GRM5: variants seen among roughly 807,000 people sequenced by gnomAD.
The protein encoded by GRM5 is glutamate metabotropic receptor 5.
Under a neutral mutation model 83.1 loss-of-function variants are expected in GRM5, and 19 were observed. That is an observed-to-expected ratio of 0.23 (90% CI 0.16 to 0.34). The LOEUF (loss-of-function observed/expected upper bound fraction) is 0.34. Ranked by LOEUF, GRM5 falls within the 10% of genes least tolerant of loss-of-function variation. The pLI is 1.00. For synonymous variants in GRM5, 675 were observed against 633.6 expected, an observed-to-expected ratio of 1.07 and a Z score of -0.98; for missense variants, 1,160 against 1,588.3, an observed-to-expected ratio of 0.73 and a Z score of 4.58.
intron 2 of GRM5, among the ~76,000 whole-genome samples, chr11:88,964,469 A>C (rs1370662350): frequency 6.6e-6 from 1 of 152,158 alleles, no homozygotes; most frequent in South Asian, 2.1e-4. Flanking sequence ...CATTTTTAAA[A>C]AGCCAGGCAA....
intron 2 of GRM5, among the ~76,000 whole-genome samples, chr11:88,888,196 A>C (rs1945077510): frequency 6.6e-6 from 1 of 152,194 alleles, no homozygotes; most frequent in African/African-American, 2.4e-5. Context: ...AATGACCCTG[A>C]TAGGCATATA....
At chr11:88,882,269 T>TA (rs1411970325) in intron 2 of GRM5, among the ~76,000 whole-genome samples, 13 of 142,962 alleles carry the variant, frequency 9.1e-5, no homozygotes, top group East Asian at 4.2e-4. Context: ...AATAAATAAA[T>TA]AATAAAAAGA....
intron 2 of GRM5, among the ~76,000 whole-genome samples, chr11:88,979,763 T>C (rs1939465076): frequency 6.6e-6 from 1 of 150,616 alleles, no homozygotes; most frequent in Admixed American, 6.6e-5. Flanking sequence ...GAGTACTTTA[T>C]ACTCCTTTCT....
chr11:88,859,852 T>C (rs1944532394), intron 2 of GRM5, among the ~76,000 whole-genome samples: 1 of 152,172 alleles, frequency 6.6e-6, no homozygotes, highest in Admixed American at 6.6e-5. Flanking sequence ...ATTACAGATG[T>C]ATGTGATTTA....
At chr11:88,805,464 A>C (rs1411221254) in intron 3 of GRM5, among the ~76,000 whole-genome samples, 1 of 152,226 alleles carries the variant, frequency 6.6e-6, no homozygotes, top group Non-Finnish European at 1.5e-5. Context: ...TGCTGGGATT[A>C]CAGGTGTGAG....
chr11:88,882,375 C>T (rs1037592083), intron 2 of GRM5, among the ~76,000 whole-genome samples: 2 of 143,650 alleles, frequency 1.4e-5, no homozygotes, highest in Non-Finnish European at 3.0e-5. Flanking sequence ...CACGGTGAAA[C>T]CCCATCTCTA....
chr11:89,064,788 T>C (rs1164115640), intron 1 of GRM5, among the ~76,000 whole-genome samples: 2 of 150,526 alleles, frequency 1.3e-5, no homozygotes, highest in African/African-American at 4.9e-5. Context: ...TTGTTCCTTC[T>C]ACTACCCCAC....
chr11:88,794,285 A>G (rs1943233789), intron 3 of GRM5, among the ~76,000 whole-genome samples: 1 of 152,094 alleles, frequency 6.6e-6, no homozygotes. Context: ...TCAAGCCACT[A>G]TTTGCACTAA....
At chr11:89,027,252 C>T (rs1941149204) in intron 2 of GRM5, among the ~76,000 whole-genome samples, 2 of 152,118 alleles carry the variant, frequency 1.3e-5, no homozygotes, top group South Asian at 2.1e-4. Context: ...CATGCCACCA[C>T]ATCCAACAAA....
intron 2 of GRM5, among the ~76,000 whole-genome samples, chr11:88,851,887 T>C (rs1219105852): frequency 1.3e-5 from 2 of 152,212 alleles, no homozygotes; most frequent in African/African-American, 2.4e-5. Flanking sequence ...AATCTAGTTA[T>C]TTTGCAATTA....
At chr11:88,630,082 C>T (rs1938920803) in intron 4 of GRM5, among the ~76,000 whole-genome samples, 3 of 152,176 alleles carry the variant, frequency 2.0e-5, no homozygotes, top group Admixed American at 6.5e-5. Context: ...TCTCCCTTAA[C>T]GACTTGGGTC....
chr11:88,822,162 T>C (rs534801830), intron 3 of GRM5, among the ~76,000 whole-genome samples: 48 of 152,290 alleles, frequency 3.2e-4, no homozygotes, highest in African/African-American at 1.1e-3. Flanking sequence ...GAAATAGATA[T>C]AATATATGTC....
chr11:88,838,733 T>C (rs190234670), intron 3 of GRM5, among the ~76,000 whole-genome samples: 112 of 152,264 alleles, frequency 7.4e-4, no homozygotes, highest in Middle Eastern at 3.4e-3. Flanking sequence ...ACAAAATCTT[T>C]CTCTCCTCAT....
intron 9 of GRM5, 127 bp from the exon 10 acceptor site, chr11:88,509,631 A>G (rs1591310467): frequency 1.5e-6 from 1 of 649,102 alleles, no homozygotes; most frequent in Non-Finnish European, 2.6e-6. Context: ...TTCAGGAAAC[A>G]CAGCATCAAA....
At chr11:88,574,455 G>A (rs1326685490) in intron 7 of GRM5, among the ~76,000 whole-genome samples, 3 of 152,084 alleles carry the variant, frequency 2.0e-5, no homozygotes, top group South Asian at 4.1e-4. Flanking sequence ...GCCTAGGGAC[G>A]TGACATGTTT....
At position 89,065,286 on chromosome 11, in the gene GRM5, TCACACA is replaced by T. The variant is rs71046278; in HGVS notation, c.-201+484_-201+489del. ...TGCCTTTCGTGCACATGTATTGGCA[TCACACA>T]CACACACACACACACACACAGACAG... is the stretch of plus-strand genomic sequence containing the variant. On this transcript the variant is annotated intron_variant, in intron 1 of 9. Coordinates refer to ENST00000305447, the MANE Select transcript of GRM5 (RefSeq NM_001143831.3). Among the ~76,000 whole-genome samples, 6 of 147,480 alleles carry T rather than the reference TCACACA, an allele frequency of 4.1e-5. No individual in the cohort carries two copies. In the South Asian group the frequency reaches 1.1e-3, roughly 27 times the overall value.
At chr11:88,895,404 C>T (rs1945214376) in intron 2 of GRM5, among the ~76,000 whole-genome samples, 1 of 151,880 alleles carries the variant, frequency 6.6e-6, no homozygotes. Context: ...ACTTCAAGTG[C>T]ATCACTAAAC....
intron 2 of GRM5, among the ~76,000 whole-genome samples, chr11:88,942,433 C>T (rs941428331): frequency 2.0e-5 from 3 of 151,960 alleles, no homozygotes; most frequent in South Asian, 2.1e-4. Flanking sequence ...TACAATTTGA[C>T]GAGTCTCATT....
chr11:89,005,062 C>T (rs1252497726), intron 2 of GRM5, among the ~76,000 whole-genome samples: 4 of 152,182 alleles, frequency 2.6e-5, no homozygotes, highest in Admixed American at 2.6e-4. Context: ...ACTGACTTCT[C>T]TGACTATGGG....
Sources: gnomAD v4.1 joint callset for allele counts (sites outside exome capture counted in the v4.1 genomes callset) on GRCh38, gnomAD v4.1.1 for gene constraint, MANE v1.5 for transcripts, NCBI Gene and HGNC (gene_info 2026-07-23, HGNC 2026-07-21) for gene names.